CARS1: variants seen among roughly 807,000 people sequenced by gnomAD.
The protein encoded by CARS1 is cysteinyl-tRNA synthetase 1.
CARS1 carries 48 observed loss-of-function variants against 106.2 expected under a neutral mutation model. The observed-to-expected ratio is 0.45, with a 90% confidence interval of 0.36 to 0.57. The LOEUF (loss-of-function observed/expected upper bound fraction) is 0.57, where lower values mean the gene tolerates loss of function less well. Among genes scored for constraint, CARS1 ranks in the 20% least tolerant of loss-of-function variants. The pLI, the probability that CARS1 is intolerant of heterozygous loss-of-function variation, is 0.00. For synonymous variants in CARS1, 409 were observed against 403.4 expected (o/e 1.01, Z -0.17); for missense variants, 968 against 1,057.2 (o/e 0.92, Z 1.17).
rs773893333 is a variant in CARS1 at position 3,001,113 on chromosome 11, C to G, written c.*1G>C. 13 of 1,613,876 alleles carry G rather than the reference C, an allele frequency of 8.1e-6. No individual in the cohort carries two copies. In the Admixed American group the frequency reaches 2.2e-4, roughly 27 times the overall value. On this transcript the variant is annotated 3_prime_UTR_variant, in exon 23 of 23. Coordinates refer to ENST00000380525, the MANE Select transcript of CARS1 (RefSeq NM_001014437.3). The stretch of plus-strand genomic sequence containing the variant: ...GTTTAAAAAGTCAGTCCTGTGCCCC[C>G]TCACTGGAAGCTTCCATTCTGGGCC...
At chr11:3,033,399 C>T (rs1853130152) in intron 7 of CARS1, among the ~76,000 whole-genome samples, 1 of 151,860 alleles carries the variant, frequency 6.6e-6, no homozygotes, top group South Asian at 2.1e-4. Context: ...AAGTTATAAG[C>T]GAATAACAAT....
rs932188188 is a variant in CARS1, at chr11:3,001,127, C to T, written c.2483G>A (p.Gly828Glu). The T allele has an allele frequency of 1.2e-6, 2 of 1,613,930 alleles. No individual in the cohort carries two copies. The highest frequency in any genetic ancestry group is 2.7e-5 in the African/African-American group (2 of 74,926). ...TCCTGTGCCCCCTCACTGGAAGCTT[C>T]CATTCTGGGCCATCTGCAGATATTC... ...YKEYLQMAQN[G>E]SFQ Residue 828 changes from glycine to glutamate, a missense_variant, in exon 23 of 23, where the codon GGA (glycine) becomes GAA (glutamate). By Grantham distance (98) the Gly-to-Glu change is moderately conservative. Transcript: ENST00000380525.
rs1360159148 is a variant in CARS1, at chr11:3,003,777, G to A, written c.2218-1177C>T. Among the ~76,000 whole-genome samples the A allele has an allele frequency of 6.6e-6, 1 of 152,178 alleles. No individual in the cohort carries two copies. The highest frequency in any genetic ancestry group is 1.5e-5 in the Non-Finnish European group (1 of 68,022). On this transcript the variant is annotated intron_variant, in intron 20 of 22. Transcript: ENST00000380525. This position sits in a 1 kb window ranked among gnomAD's most constrained non-coding sequence, Gnocchi z 4.8. ...GCTTTTTCCCTTTAAAAGTTAGTATGTGTTTATGTGCTGGTGGGAATGGTA... is the reference window on the plus strand; with the variant it reads ...GCTTTTTCCCTTTAAAAGTTAGTATATGTTTATGTGCTGGTGGGAATGGTA...
Position 3,042,236 on chromosome 11 carries a change from G to C in CARS1, c.295C>G (p.Pro99Ala), listed in dbSNP as rs1854555073. ...GTCCCAGCAGGAGGGGACCACTGGG[G>C]CTGCACACGCCGGCCTTTGCCTGGG... ...LQASKGRRVQ[P>A]QWSPPAGTQP... Residue 99 changes from proline (P) to alanine (A), a missense_variant, in exon 3 of 23, where the codon CCC becomes GCC. By Grantham distance (27) the Pro-to-Ala change is conservative. Coordinates refer to ENST00000380525, the MANE Select transcript of CARS1 (RefSeq NM_001014437.3). 21 of 1,612,758 alleles carry C rather than the reference G, an allele frequency of 1.3e-5. No homozygotes were observed. The highest frequency in any genetic ancestry group is 2.2e-5 in the South Asian group (2 of 91,068).
Position 3,038,060 on chromosome 11 carries a change from C to T in CARS1, c.791G>A (p.Ser264Asn), listed in dbSNP as rs781329977. 18 of 1,613,166 alleles carry T rather than the reference C, an allele frequency of 1.1e-5. No homozygotes were observed. In the Admixed American group the frequency reaches 2.8e-4, roughly 25 times the overall value. ...TGTGTGAAGCCTCACCTCCACACAG[C>T]TGTTGACTTCCTCTCCCGTGAGTCT... The part of the protein sequence containing the change: ...QSRLTGEEVN[S>N]CVEVLLEEAK... The change falls in exon 7 of 23, where the codon AGC becomes AAC. Residue 264 changes from serine (S) to asparagine (N), a missense_variant. Ser to Asn is a conservative substitution (Grantham distance 46, BLOSUM62 1). Transcript: ENST00000380525. The surrounding 1 kb of genome is among the most constrained non-coding windows in gnomAD (Gnocchi z 4.0).
intron 3 of CARS1, 49 bp downstream of exon 3, chr11:3,042,116 C>T: frequency 7.0e-7 from 1 of 1,426,396 alleles, no homozygotes; most frequent in South Asian, 1.2e-5. Flanking sequence ...TGTCCTGCCT[C>T]CTGCCTCCCC....
In CARS1 at chr11:3,028,224, T is replaced by C. The variant is rs181449516; in HGVS notation, c.1031+772A>G. Reference sequence around the variant, plus strand: ...GTGACCCACGTGGCCTTACCTATCATTGAAGATGGCTCACTCTCCTTAACC... The same window carrying C: ...GTGACCCACGTGGCCTTACCTATCACTGAAGATGGCTCACTCTCCTTAACC... On this transcript the variant is annotated intron_variant, in intron 9 of 22. Transcript: ENST00000380525. This position sits in a 1 kb window ranked among gnomAD's most constrained non-coding sequence, Gnocchi z 4.4. 1.3e-5 allele frequency: 5 copies of C among 382,534 alleles called. No individual in the cohort carries two copies. Among genetic ancestry groups the C allele is most frequent in the African/African-American group, 6.4e-5 (3 of 47,016 alleles). 23.7% of individuals were successfully genotyped at this position (382,534 alleles called of 1,614,324 possible). A position where few individuals can be genotyped will look rare whatever the true frequency, so the allele number is the denominator to read the frequency against.
At position 3,030,383 on chromosome 11, in the gene CARS1, G is replaced by A. The variant is rs1379230619; in HGVS notation, c.802-940C>T. ...TTAAATGTATTGCAGGCCTGCAAGT[G>A]GCAAGGCACGTCTGCAGGAATGAGC... On this transcript the variant is annotated intron_variant, in intron 7 of 22. Transcript: ENST00000380525. The surrounding 1 kb of genome is among the most constrained non-coding windows in gnomAD (Gnocchi z 5.7). 1 of 152,204 alleles carries A rather than the reference G, an allele frequency of 6.6e-6. No homozygotes were observed. 9.4% of individuals were successfully genotyped at this position (152,204 alleles called of 1,614,324 possible).
chr11:3,040,885 G>GCTT lies in CARS1; in HGVS notation c.455+10_455+11insAAG. On this transcript the variant is annotated intron_variant, in intron 4 of 22. Coordinates refer to ENST00000380525, the MANE Select transcript of CARS1 (RefSeq NM_001014437.3). The surrounding 1 kb of genome is among the most constrained non-coding windows in gnomAD (Gnocchi z 5.8). ...TGCAGAAGCTGCAGGGACACCCCGCGGTGGACCTACCTGGCGTGCCCCATG... is the reference window on the plus strand; with the variant it reads ...TGCAGAAGCTGCAGGGACACCCCGCGCTTGTGGACCTACCTGGCGTGCCCCATG... The GCTT allele has an allele frequency of 1.2e-6, 2 of 1,613,076 alleles. No homozygotes were observed. The highest frequency in any genetic ancestry group is 1.7e-6 in the Non-Finnish European group (2 of 1,179,498).
At chr11:3,025,940 C>A (rs144692856) in intron 10 of CARS1, among the ~76,000 whole-genome samples, 145 of 152,310 alleles carry the variant, frequency 9.5e-4, no homozygotes, top group African/African-American at 3.4e-3. Context: ...TGAATCCAGG[C>A]CCCAGGGGCC....
chr11:3,050,722 G>A lies in CARS1; in HGVS notation c.26-2721C>T, dbSNP rs1409494645. 1.3e-5 allele frequency among the ~76,000 whole-genome samples: 2 copies of A among 152,106 alleles called. No homozygotes were observed. The highest frequency in any genetic ancestry group is 4.8e-5 in the African/African-American group (2 of 41,402). ...CTCCACCTGCTGCTCTTTTTTTAGG[G>A]GGCATGCTCCCCAGATACCAGCAGG... On this transcript the variant is annotated intron_variant, in intron 1 of 22. Transcript: ENST00000380525. The surrounding 1 kb of genome is among the most constrained non-coding windows in gnomAD (Gnocchi z 6.3).
Position 3,042,261 on chromosome 11 carries a change from G to T in CARS1, c.275-5C>A. 6.2e-7 allele frequency: 1 copy of T among 1,609,210 alleles called. No individual in the cohort carries two copies. Among genetic ancestry groups the T allele is most frequent in the East Asian group, 2.2e-5 (1 of 44,860 alleles). On this transcript the variant is annotated splice_polypyrimidine_tract_variant and splice_region_variant and intron_variant, in intron 2 of 22. Coordinates refer to ENST00000380525, the MANE Select transcript of CARS1 (RefSeq NM_001014437.3). The stretch of plus-strand genomic sequence containing the variant: ...GCTGCACACGCCGGCCTTTGCCTGG[G>T]AGGCAGAGAGAGCAGGATCAGGGTC...
At chr11:3,009,086 C>A (rs998672877) in intron 18 of CARS1, 1 of 152,318 alleles carries the variant, frequency 6.6e-6, no homozygotes, top group African/African-American at 2.4e-5. Context: ...GAGGAAGAAG[C>A]CTCTGTGGCT....
Position 3,006,869 on chromosome 11 carries a change from G to T in CARS1, c.2149+10C>A, listed in dbSNP as rs951304806. ...GGTAACTTTGTAGCAAACAGCAAGGGCTCACCCACCTTCGTGGTCTTCAAA... is the reference window on the plus strand; with the variant it reads ...GGTAACTTTGTAGCAAACAGCAAGGTCTCACCCACCTTCGTGGTCTTCAAA... On this transcript the variant is annotated intron_variant, in intron 19 of 22. Transcript: ENST00000380525. 1.9e-6 allele frequency: 3 copies of T among 1,610,972 alleles called. No individual in the cohort carries two copies. In the South Asian group the frequency reaches 3.3e-5, roughly 18 times the overall value.
At chr11:3,007,227 C>G (rs1465634254) in intron 18 of CARS1, 2 of 527,114 alleles carry the variant, frequency 3.8e-6, no homozygotes. Flanking sequence ...AGGGCAGAGC[C>G]AGGAGGAAGC....
chr11:3,054,858 A>C, intron 1 of CARS1: 1 of 701,936 alleles, frequency 1.4e-6, no homozygotes, highest in Non-Finnish European at 2.6e-6. Context: ...CTGTATAAAA[A>C]TTAAACTATA....
chr11:3,019,003 A>T lies in CARS1; in HGVS notation c.1395+136T>A, dbSNP rs923754032. The stretch of plus-strand genomic sequence containing the variant: ...ACCACACTAAATGATCAGGGTTCAG[A>T]TTCCACCCACAAGCCCCGATGAAGG... On this transcript the variant is annotated intron_variant, in intron 12 of 22. Transcript: ENST00000380525. This position sits in a 1 kb window ranked among gnomAD's most constrained non-coding sequence, Gnocchi z 6.2. 5.3e-6 allele frequency: 6 copies of T among 1,140,770 alleles called. No individual in the cohort carries two copies. The highest frequency in any genetic ancestry group is 3.1e-5 in the African/African-American group (2 of 64,654). The allele number at this position is 1,140,770 out of a possible 1,614,324, so 70.7% of individuals were successfully genotyped here.
chr11:3,045,241 G>A lies in CARS1; in HGVS notation c.274+2512C>T, dbSNP rs1454762398. On this transcript the variant is annotated intron_variant, in intron 2 of 22. Coordinates refer to ENST00000380525, the MANE Select transcript of CARS1 (RefSeq NM_001014437.3). This position sits in a 1 kb window ranked among gnomAD's most constrained non-coding sequence, Gnocchi z 5.6. The stretch of plus-strand genomic sequence containing the variant: ...TGGCTTCACAGGAGTAGGGACCTGG[G>A]GGTTAAGCAGAGCCTTTCCATTATC... Among the ~76,000 whole-genome samples, 2 of 152,086 alleles carry A rather than the reference G, an allele frequency of 1.3e-5. No individual in the cohort carries two copies. The highest frequency in any genetic ancestry group is 2.9e-5 in the Non-Finnish European group (2 of 68,024).
Position 3,028,159 on chromosome 11 carries a change from T to TG in CARS1, c.1031+836dup, listed in dbSNP as rs1852308565. ...CTCTGTCTCCTCTCTCTCTCTGCCT[T>TG]GGCTGCCAGGCAGGGAAGGGCCCCC... On this transcript the variant is annotated intron_variant, in intron 9 of 22. Coordinates refer to ENST00000380525, the MANE Select transcript of CARS1 (RefSeq NM_001014437.3). The surrounding 1 kb of genome is among the most constrained non-coding windows in gnomAD (Gnocchi z 4.4). The TG allele has an allele frequency of 3.3e-6, 1 of 304,214 alleles. No homozygotes were observed. The highest frequency in any genetic ancestry group is 2.2e-5 in the African/African-American group (1 of 45,722). 18.8% of individuals were successfully genotyped at this position (304,214 alleles called of 1,614,324 possible).
Sources: allele counts gnomAD v4.1 joint callset (sites outside exome capture counted in the v4.1 genomes callset), GRCh38; gene constraint gnomAD v4.1.1; non-coding constraint Gnocchi (gnomAD v3.1); transcripts MANE v1.5; gene names NCBI Gene and HGNC (gene_info 2026-07-23, HGNC 2026-07-21).